AGTPBP1: variants seen among roughly 807,000 people sequenced by gnomAD.
AGTPBP1 encodes ATP/GTP binding carboxypeptidase 1.
Under a neutral mutation model 143.9 loss-of-function variants are expected in AGTPBP1, and 70 were observed. That is an observed-to-expected ratio of 0.49 (90% CI 0.40 to 0.59). The LOEUF (loss-of-function observed/expected upper bound fraction) is 0.59, where lower values mean the gene tolerates loss of function less well. AGTPBP1 is among the 20% of genes least tolerant of loss of function. The pLI, the probability that AGTPBP1 is intolerant of heterozygous loss-of-function variation, is 0.00. For missense variants in AGTPBP1, 1,229 were observed against 1,464.5 expected, an observed-to-expected ratio of 0.84 and a Z score of 2.62; for synonymous variants, 463 against 500.2, an observed-to-expected ratio of 0.93 and a Z score of 0.99.
intron 2 of AGTPBP1, among the ~76,000 whole-genome samples, chr9:85,710,554 T>C (rs752762855): frequency 6.6e-6 from 1 of 152,152 alleles, no homozygotes; most frequent in Non-Finnish European, 1.5e-5. Context: ...GACCCTTTTC[T>C]ATCTATCTCA....
At chr9:85,701,208 G>A (rs1034600299) in intron 2 of AGTPBP1, among the ~76,000 whole-genome samples, 1 of 150,578 alleles carries the variant, frequency 6.6e-6, no homozygotes, top group African/African-American at 2.4e-5. Context: ...CACCACACCT[G>A]GCCTTTTTTT....
chr9:85,648,326 C>T (rs928091482), intron 11 of AGTPBP1, among the ~76,000 whole-genome samples: 5 of 152,044 alleles, frequency 3.3e-5, no homozygotes, highest in African/African-American at 1.2e-4. Flanking sequence ...TTTAGTCGAC[C>T]CTAACTAATA....
chr9:85,701,164 G>T (rs1047116255), intron 2 of AGTPBP1, among the ~76,000 whole-genome samples: 1 of 151,260 alleles, frequency 6.6e-6, no homozygotes. Flanking sequence ...CACTCATCTT[G>T]GCCTCCCAAA....
At chr9:85,617,779 A>C (rs1830677016) in intron 17 of AGTPBP1, among the ~76,000 whole-genome samples, 1 of 152,196 alleles carries the variant, frequency 6.6e-6, no homozygotes. Context: ...AGGGACCATC[A>C]ATACAGACCC....
At chr9:85,639,359 G>GCA (rs1564092774) in intron 13 of AGTPBP1, among the ~76,000 whole-genome samples, 1 of 137,812 alleles carries the variant, frequency 7.3e-6, no homozygotes, top group African/African-American at 3.0e-5. Context: ...ACCCATGCGC[G>GCA]CGCACGCGCA....
At chr9:85,563,670 T>C (rs1372909503) in intron 25 of AGTPBP1, among the ~76,000 whole-genome samples, 1 of 152,170 alleles carries the variant, frequency 6.6e-6, no homozygotes, top group Non-Finnish European at 1.5e-5. Flanking sequence ...ACCAAGGGTG[T>C]AGCAAAAGGA....
At chr9:85,784,064 A>G in the AGTPBP1 span, among the ~76,000 whole-genome samples, 1 of 152,264 alleles carries the variant, frequency 6.6e-6, no homozygotes, top group African/African-American at 2.4e-5. Flanking sequence ...GTTACAGTGT[A>G]TATGTTTTCT....
intron 10 of AGTPBP1, 129 bp downstream of exon 10, chr9:85,657,306 T>C: frequency 1.2e-6 from 1 of 823,954 alleles, no homozygotes; most frequent in South Asian, 1.9e-5. Flanking sequence ...TCTTTTACTT[T>C]TAAGATTTTC....
At chr9:85,627,975 G>T (rs1255276292) in intron 14 of AGTPBP1, among the ~76,000 whole-genome samples, 1 of 152,146 alleles carries the variant, frequency 6.6e-6, no homozygotes, top group Non-Finnish European at 1.5e-5. Flanking sequence ...TTGAATTTTT[G>T]ACCACACAGG....
At chr9:85,642,797 G>A (rs373362747) in intron 13 of AGTPBP1, 30 bp downstream of exon 13, 43 of 1,518,530 alleles carry the variant, frequency 2.8e-5, no homozygotes, top group Non-Finnish European at 3.5e-5. Flanking sequence ...ATTAAAATCA[G>A]TTAAGATGCT....
At chr9:85,748,597 C>T in the AGTPBP1 span, among the ~76,000 whole-genome samples, 2 of 152,180 alleles carry the variant, frequency 1.3e-5, no homozygotes, top group African/African-American at 4.8e-5. Context: ...TGTAGTTCTC[C>T]AATGTGCCTT....
chr9:85,740,378 A>G (rs1824172065), intron 1 of AGTPBP1, among the ~76,000 whole-genome samples: 1 of 152,218 alleles, frequency 6.6e-6, no homozygotes, highest in African/African-American at 2.4e-5. Context: ...TGGGAAAAAG[A>G]GCAAGTCATA....
At chr9:85,802,918 T>C in the AGTPBP1 span, among the ~76,000 whole-genome samples, 26 of 152,338 alleles carry the variant, frequency 1.7e-4, no homozygotes, top group Middle Eastern at 3.4e-3. Context: ...CATCTGCTCA[T>C]GTTCTATAAC....
chr9:85,650,353 C>A (rs1477117661), intron 11 of AGTPBP1, among the ~76,000 whole-genome samples: 2 of 152,074 alleles, frequency 1.3e-5, no homozygotes, highest in Non-Finnish European at 2.9e-5. Flanking sequence ...CCTGCCCCTC[C>A]TCCTCCTCAG....
intron 25 of AGTPBP1, among the ~76,000 whole-genome samples, chr9:85,562,407 C>T (rs1489792478): frequency 6.6e-6 from 1 of 152,054 alleles, no homozygotes; most frequent in African/African-American, 2.4e-5. Context: ...AGGCTAAAAA[C>T]AAATACTAAA....
intron 17 of AGTPBP1, among the ~76,000 whole-genome samples, chr9:85,599,555 A>C (rs954338012): frequency 6.6e-6 from 1 of 152,210 alleles, no homozygotes; most frequent in Non-Finnish European, 1.5e-5. Flanking sequence ...TCCCACTGAC[A>C]CAAGTTAATT....
At chr9:85,784,969 C>T in the AGTPBP1 span, among the ~76,000 whole-genome samples, 2 of 152,184 alleles carry the variant, frequency 1.3e-5, no homozygotes, top group Non-Finnish European at 2.9e-5. Context: ...ATAGGCCAAG[C>T]AAACCATGTC....
chr9:85,624,065 T>C (rs1349285268), intron 14 of AGTPBP1, among the ~76,000 whole-genome samples: 1 of 152,168 alleles, frequency 6.6e-6, no homozygotes, highest in Admixed American at 6.5e-5. Context: ...CCAGCAAAAT[T>C]GTACTTTGTT....
chr9:85,706,212 G>A, intron 2 of AGTPBP1, among the ~76,000 whole-genome samples: 1 of 151,574 alleles, frequency 6.6e-6, no homozygotes, highest in Non-Finnish European at 1.5e-5. Flanking sequence ...TAAAAAATGA[G>A]ACATATAGAA....
Sources: gnomAD v4.1 joint callset for allele counts (sites outside exome capture counted in the v4.1 genomes callset) on GRCh38, gnomAD v4.1.1 for gene constraint, MANE v1.5 for transcripts, NCBI Gene and HGNC (gene_info 2026-07-23, HGNC 2026-07-21) for gene names.